The following PACRG variants were observed in gnomAD, a reference collection of about 807,000 sequenced individuals.
PACRG encodes the protein parkin coregulated, also known as parkin coregulated gene protein.
Under a neutral mutation model 29.7 loss-of-function variants are expected in PACRG, and 29 were observed. The observed-to-expected ratio is 0.98, with a 90% confidence interval of 0.73 to 1.33. The LOEUF (loss-of-function observed/expected upper bound fraction) is 1.33. PACRG is among the 40% of genes most tolerant of loss of function. The probability of loss-of-function intolerance (pLI) is 0.00; values close to 1 mark genes in which losing one functional copy is unlikely to be tolerated. For synonymous variants in PACRG, 116 were observed against 118.7 expected (o/e 0.98, Z 0.15); for missense variants, 279 against 316.2 (o/e 0.88, Z 0.89).
chr6:163,198,594 G>A (rs1585325017), intron 4 of PACRG, among the ~76,000 whole-genome samples: 1 of 152,152 alleles, frequency 6.6e-6, no homozygotes, highest in South Asian at 2.1e-4. Flanking sequence ...TGGCACCAAG[G>A]ATCTGTGTTC....
At chr6:163,253,481 G>A (rs1782989414) in intron 4 of PACRG, among the ~76,000 whole-genome samples, 1 of 152,084 alleles carries the variant, frequency 6.6e-6, no homozygotes, top group South Asian at 2.1e-4. Flanking sequence ...ATGTCTAAAT[G>A]TCTGTCTATC....
chr6:163,159,829 T>A (rs1778480328), intron 4 of PACRG, among the ~76,000 whole-genome samples: 1 of 152,164 alleles, frequency 6.6e-6, no homozygotes, highest in Non-Finnish European at 1.5e-5. Context: ...TCCTAGGGTG[T>A]TCATGACACT....
rs372445061 is a variant in PACRG, at chr6:162,918,274, C to T, written c.291+103993C>T. On this transcript the variant is annotated intron_variant, in intron 2 of 4. Coordinates refer to ENST00000366888, the MANE Select transcript of PACRG (RefSeq NM_001080379.2). ...TAGCTAATACTAAATTACAGCATAA[C>T]GCCTCTGGAAGTGCATGTGACGTCC... Among the ~76,000 whole-genome samples, 12 of 152,210 alleles carry T rather than the reference C, an allele frequency of 7.9e-5. No individual in the cohort carries two copies. In the South Asian group the frequency reaches 1.0e-3, roughly 13 times the overall value.
chr6:162,996,306 G>T (rs938855738), intron 2 of PACRG, among the ~76,000 whole-genome samples: 17 of 152,192 alleles, frequency 1.1e-4, no homozygotes, highest in African/African-American at 3.6e-4. Flanking sequence ...TCTTAAAGCT[G>T]TTATTTAAAA....
intron 2 of PACRG, among the ~76,000 whole-genome samples, chr6:162,829,866 G>A (rs1232087447): frequency 2.0e-5 from 3 of 152,094 alleles, no homozygotes; most frequent in Admixed American, 6.6e-5. Context: ...TCGCTGTCCT[G>A]ACCCTGTCAT....
rs139950525 is a variant in PACRG, at chr6:163,095,526, G to A, written c.613+6118G>A. ...ATCGTCTCCCAGTTCTGGAGGCTACGAGTTAAAGATCAAGGTGTGGACAGG... is the reference window on the plus strand; with the variant it reads ...ATCGTCTCCCAGTTCTGGAGGCTACAAGTTAAAGATCAAGGTGTGGACAGG... On this transcript the variant is annotated intron_variant, in intron 4 of 4. Coordinates refer to ENST00000366888, the MANE Select transcript of PACRG (RefSeq NM_001080379.2). 4,151 of 802,984 alleles carry A rather than the reference G, an allele frequency of 5.2e-3. 16 individuals are homozygous for A. Among genetic ancestry groups the A allele is most frequent in the South Asian group, 0.015 (265 of 17,490 alleles). 49.7% of individuals were successfully genotyped at this position (802,984 alleles called of 1,614,324 possible).
Position 163,182,557 on chromosome 6 carries a change from G to A in PACRG, c.613+93149G>A, listed in dbSNP as rs533987751. The stretch of plus-strand genomic sequence containing the variant: ...TTCATGTGGTATCTTTCTTTAGTAC[G>A]GGTCTCTTTTACATTCAGCAGGTTT... On this transcript the variant is annotated intron_variant, in intron 4 of 4. Coordinates refer to ENST00000366888, the MANE Select transcript of PACRG (RefSeq NM_001080379.2). The A allele has an allele frequency of 7.2e-5, 11 of 152,132 alleles. No individual in the cohort carries two copies. The East Asian group carries it at 1.7e-3, about 24-fold the overall frequency. 9.4% of individuals were successfully genotyped at this position (152,132 alleles called of 1,614,324 possible).
chr6:163,312,542 C>T (rs994170348), intron 4 of PACRG, among the ~76,000 whole-genome samples: 8 of 152,140 alleles, frequency 5.3e-5, no homozygotes, highest in Admixed American at 3.9e-4. Context: ...CTTCATCTCC[C>T]CCGTGCAGCC....
intron 2 of PACRG, among the ~76,000 whole-genome samples, chr6:163,039,202 G>T (rs975187055): frequency 2.6e-5 from 4 of 152,124 alleles, no homozygotes; most frequent in African/African-American, 9.7e-5. Context: ...CTCTCCTGCT[G>T]CCAAGTAAGA....
intron 4 of PACRG, among the ~76,000 whole-genome samples, chr6:163,160,252 A>G (rs931919224): frequency 2.0e-5 from 3 of 152,186 alleles, no homozygotes; most frequent in African/African-American, 2.4e-5. Flanking sequence ...CATTTTAGTA[A>G]CCAGGGAACT....
In PACRG at chr6:163,269,793, A is replaced by ACAGACAGG. The variant is rs1562349181; in HGVS notation, c.614-45034_614-45033insCAGACAGG. Among the ~76,000 whole-genome samples the ACAGACAGG allele has an allele frequency of 1.3e-4, 11 of 81,520 alleles. 1 individual carries two copies. Among genetic ancestry groups the ACAGACAGG allele is most frequent in the East Asian group, 7.5e-4 (2 of 2,678 alleles). The allele number at this position is 81,520 out of a possible 152,430, so 53.5% of individuals were successfully genotyped here. On this transcript the variant is annotated intron_variant, in intron 4 of 4. Coordinates refer to ENST00000366888, the MANE Select transcript of PACRG (RefSeq NM_001080379.2). The stretch of plus-strand genomic sequence containing the variant: ...GACAGACAGACAGACAGAAAGAAAG[A>ACAGACAGG]AAGGAAGGAAGGAAGGAAGGAAGGA...
chr6:162,863,634 G>C (rs912073275), intron 2 of PACRG, among the ~76,000 whole-genome samples: 3 of 152,210 alleles, frequency 2.0e-5, no homozygotes, highest in African/African-American at 7.2e-5. Flanking sequence ...CACATTTATA[G>C]AACATCGATG....
intron 2 of PACRG, among the ~76,000 whole-genome samples, chr6:162,995,914 T>C (rs1359465429): frequency 6.6e-6 from 1 of 152,208 alleles, no homozygotes; most frequent in Non-Finnish European, 1.5e-5. Flanking sequence ...GATAGATATC[T>C]CTTCGTGATC....
chr6:163,221,423 C>T (rs943769128), intron 4 of PACRG, among the ~76,000 whole-genome samples: 3 of 152,220 alleles, frequency 2.0e-5, no homozygotes, highest in Non-Finnish European at 4.4e-5. Flanking sequence ...TGTGCCTTGC[C>T]TACACCTCAC....
chr6:162,893,094 G>A (rs1024626896), intron 2 of PACRG, among the ~76,000 whole-genome samples: 2 of 150,428 alleles, frequency 1.3e-5, no homozygotes, highest in African/African-American at 4.8e-5. Flanking sequence ...AGGTAAGCGG[G>A]GTGAGGGCTA....
At chr6:163,179,832 C>G (rs773531337) in intron 4 of PACRG, among the ~76,000 whole-genome samples, 4 of 152,162 alleles carry the variant, frequency 2.6e-5, no homozygotes, top group Non-Finnish European at 5.9e-5. Context: ...GAGTTACTGT[C>G]TCATTCTCCC....
At chr6:162,970,056 C>T (rs943849585) in intron 2 of PACRG, among the ~76,000 whole-genome samples, 4 of 152,140 alleles carry the variant, frequency 2.6e-5, no homozygotes, top group African/African-American at 4.8e-5. Flanking sequence ...ATCAGTTGGA[C>T]GTGAAGTTTG....
At chr6:162,947,992 A>T (rs1799369187) in intron 2 of PACRG, among the ~76,000 whole-genome samples, 1 of 152,014 alleles carries the variant, frequency 6.6e-6, no homozygotes, top group South Asian at 2.1e-4. Context: ...TACAAATTGA[A>T]TGAAATCCCT....
intron 4 of PACRG, among the ~76,000 whole-genome samples, chr6:163,223,251 G>A (rs552492307): frequency 2.6e-5 from 4 of 151,860 alleles, no homozygotes; most frequent in East Asian, 1.9e-4. Flanking sequence ...AAAATTAGCC[G>A]AGCATGGTGG....
Sources: allele counts gnomAD v4.1 joint callset (sites outside exome capture counted in the v4.1 genomes callset), GRCh38; gene constraint gnomAD v4.1.1; transcripts MANE v1.5; gene names NCBI Gene and HGNC (gene_info 2026-07-23, HGNC 2026-07-21).